SLC35D1: variants seen among roughly 807,000 people sequenced by gnomAD.
SLC35D1 encodes the protein solute carrier family 35 member D1, also known as nucleotide sugar transporter SLC35D1.
SLC35D1 carries 31 observed loss-of-function variants against 46.7 expected under a neutral mutation model. The ratio of observed to expected loss-of-function variants is 0.66; its 90% CI spans 0.50 to 0.90. SLC35D1 has a LOEUF of 0.90. Ranked by LOEUF, SLC35D1 falls within the 40% of genes least tolerant of loss-of-function variation. The pLI is 0.00. For missense variants in SLC35D1, 397 were observed against 426.2 expected, an observed-to-expected ratio of 0.93 and a Z score of 0.60; for synonymous variants, 195 against 164.6, an observed-to-expected ratio of 1.18 and a Z score of -1.41.
the SLC35D1 span, among the ~76,000 whole-genome samples, chr1:66,982,410 G>C: frequency 3.3e-5 from 5 of 152,272 alleles, no homozygotes; most frequent in East Asian, 9.6e-4. Context: ...ATATTCTACA[G>C]AAATATTTGT....
At chr1:67,049,912 G>A (rs112813688) in intron 5 of SLC35D1, 62 bp from the exon 6 acceptor site, 35 of 1,195,478 alleles carry the variant, frequency 2.9e-5, no homozygotes, top group African/African-American at 1.5e-4. Flanking sequence ...TTTTACAACA[G>A]AAGCAAAAAA....
chr1:67,026,543 A>AT (rs1157525187), intron 8 of SLC35D1, among the ~76,000 whole-genome samples: 1 of 152,066 alleles, frequency 6.6e-6, no homozygotes, highest in Non-Finnish European at 1.5e-5. Flanking sequence ...TCTTCCTTAA[A>AT]TTTTTTGTCA....
At chr1:67,042,205 A>G (rs1337233688) in intron 8 of SLC35D1, 31 bp downstream of exon 8, 1 of 1,546,390 alleles carries the variant, frequency 6.5e-7, no homozygotes, top group East Asian at 2.2e-5. Context: ...TCATCAACGT[A>G]AGCCATTAAA....
chr1:66,976,040 T>C, the SLC35D1 span, among the ~76,000 whole-genome samples: 1 of 151,838 alleles, frequency 6.6e-6, no homozygotes, highest in Non-Finnish European at 1.5e-5. Context: ...CAGGTGGGAG[T>C]GCAGTGGTGT....
At position 67,030,755 on chromosome 1, in the gene SLC35D1, C is replaced by G. The variant is rs1360349656; in HGVS notation, c.730-9153G>C. On this transcript the variant is annotated intron_variant, in intron 8 of 11. Transcript: ENST00000235345. The stretch of plus-strand genomic sequence containing the variant: ...CATCTATTAAGTCCCATGTGCCAGG[C>G]CCCAGGCAGGATTTGAGGCACAATG... Among the ~76,000 whole-genome samples, 7 of 152,082 alleles carry G rather than the reference C, an allele frequency of 4.6e-5. 1 individual carries two copies. Among genetic ancestry groups the G allele is most frequent in the Admixed American group, 4.6e-4 (7 of 15,264 alleles).
At position 67,002,279 on chromosome 1, in the gene SLC35D1, T is replaced by A. The variant is rs544769269; in HGVS notation, c.*2061A>T. 1 of 152,338 alleles carries A rather than the reference T, an allele frequency of 6.6e-6. No homozygotes were observed. Among genetic ancestry groups the A allele is most frequent in the Non-Finnish European group, 1.5e-5 (1 of 68,042 alleles). The allele number at this position is 152,338 out of a possible 1,614,324, so 9.4% of individuals were successfully genotyped here. A position where few individuals can be genotyped will look rare whatever the true frequency, so the allele number is the denominator to read the frequency against. On this transcript the variant is annotated 3_prime_UTR_variant, in exon 12 of 12. Coordinates refer to ENST00000235345, the MANE Select transcript of SLC35D1 (RefSeq NM_015139.3). ...AAGGGTTCCAGGACAGGGTAAGCTG[T>A]CACTCTTCCTGATTTGCAAAGTATG...
intron 7 of SLC35D1, among the ~76,000 whole-genome samples, chr1:67,045,628 G>A (rs886761693): frequency 7.9e-5 from 12 of 152,110 alleles, no homozygotes; most frequent in African/African-American, 2.9e-4. Flanking sequence ...GCTCTCCTAG[G>A]AATAAAACAC....
chr1:66,974,269 A>G, the SLC35D1 span, among the ~76,000 whole-genome samples: 4 of 152,104 alleles, frequency 2.6e-5, no homozygotes, highest in Non-Finnish European at 4.4e-5. Flanking sequence ...TCAAAAATGT[A>G]TACCCCTAAT....
intron 10 of SLC35D1, among the ~76,000 whole-genome samples, chr1:67,017,388 T>G (rs527586281): frequency 1.6e-4 from 24 of 152,192 alleles, no homozygotes; most frequent in Non-Finnish European, 3.1e-4. Flanking sequence ...ACCTGAATTC[T>G]TTCCTGGCTA....
chr1:66,991,698 A>T, the SLC35D1 span, among the ~76,000 whole-genome samples: 1 of 152,182 alleles, frequency 6.6e-6, no homozygotes, highest in Non-Finnish European at 1.5e-5. Flanking sequence ...GCATTTCCTT[A>T]TCTCCAACTA....
At chr1:67,031,936 G>C (rs1668024984) in intron 8 of SLC35D1, 1 of 523,450 alleles carries the variant, frequency 1.9e-6, no homozygotes, top group Non-Finnish European at 2.4e-6. Context: ...TTGTTAATCA[G>C]GAAAAAAACA....
At chr1:67,041,883 A>G (rs1219590927) in intron 8 of SLC35D1, among the ~76,000 whole-genome samples, 1 of 152,214 alleles carries the variant, frequency 6.6e-6, no homozygotes, top group Non-Finnish European at 1.5e-5. Context: ...GGAGAATTTT[A>G]CTATTTCAAG....
intron 1 of SLC35D1, 68 bp from the exon 2 acceptor site, chr1:67,053,057 C>T (rs1645327810): frequency 3.2e-6 from 5 of 1,566,238 alleles, no homozygotes; most frequent in Non-Finnish European, 3.5e-6. Flanking sequence ...ATTCAATTTG[C>T]ACATCGGCAA....
chr1:66,995,115 T>C (rs781116698), downstream of SLC35D1, among the ~76,000 whole-genome samples: 1 of 152,142 alleles, frequency 6.6e-6, no homozygotes, highest in Non-Finnish European at 1.5e-5. Flanking sequence ...AGTTCTGCCC[T>C]TCCGTGATCC....
intron 8 of SLC35D1, among the ~76,000 whole-genome samples, chr1:67,040,132 C>T (rs1224074756): frequency 2.0e-5 from 3 of 151,928 alleles, no homozygotes; most frequent in African/African-American, 7.3e-5. Context: ...GTAGCTGGGA[C>T]TACAGACACA....
At chr1:67,020,581 T>C (rs1219985105) in intron 9 of SLC35D1, 134 bp from the exon 10 acceptor site, 7 of 685,870 alleles carry the variant, frequency 1.0e-5, no homozygotes, top group Non-Finnish European at 1.9e-5. Context: ...ACCTCACTGC[T>C]TCTTATACTG....
intron 11 of SLC35D1, among the ~76,000 whole-genome samples, chr1:67,006,802 T>C (rs1667459945): frequency 6.6e-6 from 1 of 152,128 alleles, no homozygotes; most frequent in South Asian, 2.1e-4. Flanking sequence ...ATTTCAAATT[T>C]TGGAATATCT....
At chr1:67,030,371 C>A (rs1303956633) in intron 8 of SLC35D1, among the ~76,000 whole-genome samples, 1 of 152,116 alleles carries the variant, frequency 6.6e-6, no homozygotes, top group Admixed American at 6.6e-5. Flanking sequence ...ATTCTTTTAT[C>A]CCAAAGTCAT....
chr1:67,006,660 A>G (rs1667453303), intron 11 of SLC35D1, among the ~76,000 whole-genome samples: 1 of 146,544 alleles, frequency 6.8e-6, no homozygotes, highest in African/African-American at 2.6e-5. Flanking sequence ...ATAATTCCAG[A>G]CCCTATATTC....
Sources: gnomAD v4.1 joint callset for allele counts (sites outside exome capture counted in the v4.1 genomes callset) on GRCh38, gnomAD v4.1.1 for gene constraint, MANE v1.5 for transcripts, NCBI Gene and HGNC (gene_info 2026-07-23, HGNC 2026-07-21) for gene names.